Variants in TENM3 observed in about 807,000 individuals in gnomAD.
TENM3 encodes teneurin-3.
In TENM3, 63 loss-of-function variants were observed where a neutral mutation model predicts 255.1. The observed-to-expected ratio is 0.25, with a 90% confidence interval of 0.20 to 0.30. TENM3 has a LOEUF of 0.30. TENM3 is among the 10% of genes least tolerant of loss of function. The pLI is 1.00. For missense variants in TENM3, 2,929 were observed against 3,461.1 expected, an observed-to-expected ratio of 0.85 and a Z score of 3.86; for synonymous variants, 1,306 against 1,322.3, an observed-to-expected ratio of 0.99 and a Z score of 0.27.
the TENM3 span, among the ~76,000 whole-genome samples, chr4:182,118,753 G>A: frequency 1.3e-5 from 2 of 152,108 alleles, no homozygotes; most frequent in South Asian, 4.2e-4. Flanking sequence ...TCAATGTGAT[G>A]GATTACATTA....
chr4:182,672,906 C>G (rs1246516664), intron 6 of TENM3, 99 bp from the exon 7 acceptor site: 2 of 846,082 alleles, frequency 2.4e-6, no homozygotes, highest in Non-Finnish European at 1.8e-6. Flanking sequence ...ATGGCTTGAG[C>G]ATTTGGTAAA....
At chr4:181,511,410 C>T in the TENM3 span, among the ~76,000 whole-genome samples, 3 of 152,172 alleles carry the variant, frequency 2.0e-5, no homozygotes, top group South Asian at 6.2e-4. Flanking sequence ...CTGGGGGCCT[C>T]TCCTTGCTCA....
At chr4:182,717,149 A>G (rs1256151097) in intron 13 of TENM3, among the ~76,000 whole-genome samples, 2 of 152,218 alleles carry the variant, frequency 1.3e-5, no homozygotes, top group East Asian at 3.8e-4. Context: ...CTTCCCCTGC[A>G]AAATTTATTT....
the TENM3 span, among the ~76,000 whole-genome samples, chr4:182,004,705 T>C: frequency 1.1e-4 from 17 of 152,298 alleles, no homozygotes; most frequent in African/African-American, 4.1e-4. Context: ...TGTAAAAGCA[T>C]TCCTATTTCT....
chr4:182,169,202 G>A, intron 1 of TENM3: 1 of 459,198 alleles, frequency 2.2e-6, no homozygotes. Flanking sequence ...TAAACCAAGT[G>A]ATTTTTGAAG....
At chr4:182,671,628 T>TA (rs1755219462) in intron 6 of TENM3, among the ~76,000 whole-genome samples, 1 of 152,216 alleles carries the variant, frequency 6.6e-6, no homozygotes, top group Non-Finnish European at 1.5e-5. Context: ...GAAGTCTAGA[T>TA]AATCTCTAAG....
chr4:181,980,787 T>C, the TENM3 span, among the ~76,000 whole-genome samples: 1 of 152,198 alleles, frequency 6.6e-6, no homozygotes. Flanking sequence ...TTTACTGTTA[T>C]TTAAGACAAC....
the TENM3 span, among the ~76,000 whole-genome samples, chr4:181,609,927 A>G: frequency 6.6e-6 from 1 of 152,232 alleles, no homozygotes; most frequent in Admixed American, 6.5e-5. Flanking sequence ...GGTCTTTTGA[A>G]GAATAATACT....
chr4:182,565,270 C>T (rs555810038), intron 3 of TENM3, among the ~76,000 whole-genome samples: 9 of 152,088 alleles, frequency 5.9e-5, no homozygotes, highest in African/African-American at 1.9e-4. Flanking sequence ...ATAATAGAAC[C>T]GAAGAACTGA....
At chr4:181,879,384 A>G in the TENM3 span, among the ~76,000 whole-genome samples, 2 of 152,120 alleles carry the variant, frequency 1.3e-5, no homozygotes, top group Non-Finnish European at 2.9e-5. Flanking sequence ...AACCACATTT[A>G]AAATGTTTTC....
At chr4:181,489,556 T>A in the TENM3 span, among the ~76,000 whole-genome samples, 1 of 152,196 alleles carries the variant, frequency 6.6e-6, no homozygotes, top group African/African-American at 2.4e-5. Context: ...CATCTGGAAG[T>A]CTCACTGTTT....
At chr4:181,719,215 AAAATAAAT>A in the TENM3 span, among the ~76,000 whole-genome samples, 5 of 149,962 alleles carry the variant, frequency 3.3e-5, no homozygotes, top group African/African-American at 9.7e-5. Flanking sequence ...TCCGTCTCAA[AAAATAAAT>A]AAATAAATAA....
intron 7 of TENM3, among the ~76,000 whole-genome samples, chr4:182,674,466 A>G (rs527878285): frequency 1.3e-5 from 2 of 152,090 alleles, no homozygotes; most frequent in Admixed American, 6.5e-5. Flanking sequence ...TTTAATATCT[A>G]TATTATTAAA....
intron 2 of TENM3, among the ~76,000 whole-genome samples, chr4:182,329,189 C>G (rs1385330527): frequency 6.6e-6 from 1 of 152,112 alleles, no homozygotes; most frequent in Non-Finnish European, 1.5e-5. Context: ...CTGTTAGGAT[C>G]GTGAAGGACC....
At chr4:182,647,732 T>C (rs979141655) in intron 5 of TENM3, among the ~76,000 whole-genome samples, 1 of 152,202 alleles carries the variant, frequency 6.6e-6, no homozygotes, top group Non-Finnish European at 1.5e-5. Flanking sequence ...TTCTTTCGGG[T>C]ATGTAGCCTG....
chr4:182,127,921 T>TAAG, the TENM3 span, among the ~76,000 whole-genome samples: 1 of 152,192 alleles, frequency 6.6e-6, no homozygotes, highest in Non-Finnish European at 1.5e-5. Flanking sequence ...ATTTAGACAT[T>TAAG]AAGAGAATTA....
the TENM3 span, among the ~76,000 whole-genome samples, chr4:182,018,023 A>G: frequency 6.6e-6 from 1 of 152,044 alleles, no homozygotes; most frequent in Non-Finnish European, 1.5e-5. Context: ...AATACATTAT[A>G]TTATATATTT....
At chr4:182,278,949 C>T (rs1448398641) in intron 1 of TENM3, among the ~76,000 whole-genome samples, 4 of 152,174 alleles carry the variant, frequency 2.6e-5, no homozygotes, top group East Asian at 1.9e-4. Context: ...TGGACAAGCC[C>T]GAGGGCTGCC....
intron 12 of TENM3, among the ~76,000 whole-genome samples, chr4:182,698,344 T>G (rs1757590234): frequency 6.6e-6 from 1 of 152,236 alleles, no homozygotes; most frequent in African/African-American, 2.4e-5. Context: ...CAACCTCTGG[T>G]GAAGTGTGTT....
Sources: gnomAD v4.1 joint callset for allele counts (sites outside exome capture counted in the v4.1 genomes callset) on GRCh38, gnomAD v4.1.1 for gene constraint, MANE v1.5 for transcripts, NCBI Gene and HGNC (gene_info 2026-07-23, HGNC 2026-07-21) for gene names.